The following INPP5B variants were observed in gnomAD, a reference collection of about 807,000 sequenced individuals.
The protein encoded by INPP5B is type II inositol 1,4,5-trisphosphate 5-phosphatase.
Under a neutral mutation model 118.5 loss-of-function variants are expected in INPP5B, and 90 were observed. The observed-to-expected ratio is 0.76, with a 90% CI of 0.64 to 0.90. The LOEUF (loss-of-function observed/expected upper bound fraction) is 0.90, where lower values mean the gene tolerates loss of function less well. Ranked by LOEUF, INPP5B falls within the 40% of genes least tolerant of loss-of-function variation. The probability of loss-of-function intolerance (pLI) is 0.00; values close to 1 mark genes in which losing one functional copy is unlikely to be tolerated. For synonymous variants in INPP5B, 385 were observed against 418.9 expected (o/e 0.92, Z 0.99); for missense variants, 984 against 1,125.6 (o/e 0.87, Z 1.80).
chr1:37,946,212 C>G (rs764985313), intron 2 of INPP5B, 40 bp downstream of exon 2: 1 of 1,586,356 alleles, frequency 6.3e-7, no homozygotes, highest in Non-Finnish European at 8.6e-7. Flanking sequence ...TTCCCAAGGC[C>G]AGGGCAGGCT....
intron 7 of INPP5B, among the ~76,000 whole-genome samples, chr1:37,924,257 C>T (rs1645150149): frequency 6.6e-6 from 1 of 152,024 alleles, no homozygotes; most frequent in Non-Finnish European, 1.5e-5. Flanking sequence ...CAACCTCCAC[C>T]TCTGGGGTTC....
rs1458924411 is a variant in INPP5B at position 37,907,567 on chromosome 1, C to T, written c.533-16113G>A. Among the ~76,000 whole-genome samples the T allele has an allele frequency of 6.6e-6, 1 of 152,170 alleles. No homozygotes were observed. Among genetic ancestry groups the T allele is most frequent in the Non-Finnish European group, 1.5e-5 (1 of 68,030 alleles). On this transcript the variant is annotated intron_variant, in intron 7 of 23. Transcript: ENST00000373024. The surrounding 1 kb of genome is among the most constrained non-coding windows in gnomAD (Gnocchi z 4.3). ...AGACCTGCTGGGCTGCATTCCCAGA[C>T]AGTTAGGCATTCTAAGTCACTGGAT...
At chr1:37,925,418 A>G (rs1645191934) in intron 7 of INPP5B, among the ~76,000 whole-genome samples, 1 of 152,108 alleles carries the variant, frequency 6.6e-6, no homozygotes, top group Non-Finnish European at 1.5e-5. Flanking sequence ...TTATATATTT[A>G]TCTATTTAAA....
intron 14 of INPP5B, among the ~76,000 whole-genome samples, chr1:37,880,710 G>A (rs1328059734): frequency 6.6e-6 from 1 of 151,904 alleles, no homozygotes; most frequent in Non-Finnish European, 1.5e-5. Flanking sequence ...TGGGATTACA[G>A]GCGTCAGCCA....
intron 7 of INPP5B, among the ~76,000 whole-genome samples, chr1:37,894,824 G>C (rs1416342593): frequency 6.6e-6 from 1 of 152,184 alleles, no homozygotes; most frequent in Non-Finnish European, 1.5e-5. Context: ...TTACGGGCAT[G>C]AGCCACTATA....
intron 19 of INPP5B, 32 bp from the exon 20 acceptor site, chr1:37,868,646 C>CAA (rs1557618761): frequency 6.9e-7 from 1 of 1,448,242 alleles, no homozygotes; most frequent in Non-Finnish European, 9.7e-7. Context: ...GACAGAACTT[C>CAA]TGCCAGGCTG....
intron 18 of INPP5B, 48 bp from the exon 19 acceptor site, chr1:37,873,213 G>T (rs774556732): frequency 7.5e-7 from 1 of 1,340,562 alleles, no homozygotes; most frequent in East Asian, 2.3e-5. Context: ...AGGCCAAGAG[G>T]AAAGGGGAAA....
intron 7 of INPP5B, among the ~76,000 whole-genome samples, chr1:37,896,046 G>A (rs1483124379): frequency 2.0e-5 from 3 of 150,528 alleles, no homozygotes; most frequent in Non-Finnish European, 3.0e-5. Flanking sequence ...CTGCCCGGCC[G>A]CCATCCCATC....
At chr1:37,897,019 C>CGGGA (rs1644132000) in intron 7 of INPP5B, among the ~76,000 whole-genome samples, 1 of 141,902 alleles carries the variant, frequency 7.0e-6, no homozygotes, top group Non-Finnish European at 1.6e-5. Flanking sequence ...CCGCCCCGTC[C>CGGGA]GGGAGGTGAG....
chr1:37,875,126 CTT>C (rs1642706745), intron 17 of INPP5B, among the ~76,000 whole-genome samples: 1 of 152,218 alleles, frequency 6.6e-6, no homozygotes, highest in African/African-American at 2.4e-5. Flanking sequence ...CAACCTCTCT[CTT>C]CTCAGCTAAC....
intron 7 of INPP5B, among the ~76,000 whole-genome samples, chr1:37,911,469 T>C (rs561846238): frequency 6.6e-6 from 1 of 152,296 alleles, no homozygotes; most frequent in East Asian, 1.9e-4. Flanking sequence ...CTGATAACAC[T>C]TGGTTTATTG....
intron 14 of INPP5B, among the ~76,000 whole-genome samples, chr1:37,880,703 G>C (rs1643146237): frequency 6.6e-6 from 1 of 151,364 alleles, no homozygotes; most frequent in Admixed American, 6.6e-5. Flanking sequence ...AAAGTGCTGG[G>C]ATTACAGGCG....
intron 6 of INPP5B, among the ~76,000 whole-genome samples, chr1:37,937,689 C>T (rs765729534): frequency 2.8e-4 from 43 of 151,796 alleles, no homozygotes; most frequent in Non-Finnish European, 5.3e-4. Context: ...ATCGCTTGAA[C>T]CCAGGAGGCA....
At chr1:37,934,458 A>G (rs986162243) in intron 6 of INPP5B, among the ~76,000 whole-genome samples, 4 of 152,138 alleles carry the variant, frequency 2.6e-5, no homozygotes, top group Non-Finnish European at 4.4e-5. Flanking sequence ...ATGTTTCTCT[A>G]ATAGTAGATT....
At chr1:37,904,763 G>C (rs1450880180) in intron 7 of INPP5B, among the ~76,000 whole-genome samples, 1 of 151,758 alleles carries the variant, frequency 6.6e-6, no homozygotes, top group Admixed American at 6.6e-5. Context: ...TGTAATCCCA[G>C]CTACTCGGGA....
intron 1 of INPP5B, 39 bp from the exon 2 acceptor site, chr1:37,946,373 A>C: frequency 6.8e-7 from 1 of 1,474,786 alleles, no homozygotes; most frequent in Non-Finnish European, 9.3e-7. Context: ...TTGGTCAACA[A>C]GTTACGCATG....
chr1:37,862,353 G>C lies in INPP5B; in HGVS notation c.2704C>G (p.Gln902Glu), dbSNP rs768065842. Residue 902 changes from glutamine to glutamate, a missense_variant, in exon 24 of 24, where the codon CAA (glutamine) becomes GAA (glutamate). Gln to Glu is a conservative substitution (Grantham distance 29). This residue lies in a region of INPP5B where 634 missense variants were observed against 791.0 expected (regional missense o/e 0.80). Transcript: ENST00000373024. ...CAGAGGAACTGGTGAATAAATTCTT[G>C]AGCCTTCTTCTTCTCTGTCATATCA... is the stretch of plus-strand genomic sequence containing the variant. Reference protein sequence around the residue: ...KLDMTEKKKAQEFIHQFLCNP... With the variant: ...KLDMTEKKKAEEFIHQFLCNP... The C allele has an allele frequency of 1.2e-5, 19 of 1,613,882 alleles. No individual in the cohort carries two copies. Among genetic ancestry groups the C allele is most frequent in the Non-Finnish European group, 1.3e-5 (15 of 1,179,898 alleles).
intron 7 of INPP5B, among the ~76,000 whole-genome samples, chr1:37,919,844 G>A (rs1211203427): frequency 2.0e-5 from 3 of 152,128 alleles, no homozygotes; most frequent in African/African-American, 7.2e-5. Flanking sequence ...TCGGGAGGCT[G>A]AGGCACAAGA....
chr1:37,931,412 G>A, intron 7 of INPP5B: 1 of 1,498,044 alleles, frequency 6.7e-7, no homozygotes, highest in Admixed American at 2.1e-5. Context: ...CACACAGCGA[G>A]TTCGGAACGG....
Sources: gnomAD v4.1 joint callset for allele counts (sites outside exome capture counted in the v4.1 genomes callset) on GRCh38, gnomAD v4.1.1 for gene constraint, gnomAD v4.1.1 regional missense constraint, Gnocchi (gnomAD v3.1) non-coding constraint, MANE v1.5 for transcripts, NCBI Gene and HGNC (gene_info 2026-07-23, HGNC 2026-07-21) for gene names.